Variants in TMEM51 observed in about 807,000 individuals in gnomAD.
TMEM51 encodes the protein chromosome 1 open reading frame 72.
A neutral mutation model predicts 13.6 loss-of-function variants in TMEM51; 8 were observed. That is an observed-to-expected ratio of 0.59 (90% CI 0.35 to 1.07). The LOEUF (loss-of-function observed/expected upper bound fraction) is 1.07. TMEM51 is among the 50% of genes least tolerant of loss of function. TMEM51 has a pLI of 0.02. For synonymous variants in TMEM51, 147 were observed against 144.4 expected (o/e 1.02, Z -0.13); for missense variants, 279 against 330.7 (o/e 0.84, Z 1.21).
Position 15,216,429 on chromosome 1 carries a change from T to A in TMEM51, c.344+998T>A, listed in dbSNP as rs541442600. Reference sequence around the variant, plus strand: ...AATAGATGTTCAACTTCATTAGTCATGAAATGCAAGCAAAAAGATGTCTTT... The same window carrying A: ...AATAGATGTTCAACTTCATTAGTCAAGAAATGCAAGCAAAAAGATGTCTTT... On this transcript the variant is annotated intron_variant, in intron 3 of 3. Transcript: ENST00000376008. Among the ~76,000 whole-genome samples, 5 of 152,340 alleles carry A rather than the reference T, an allele frequency of 3.3e-5. No individual in the cohort carries two copies. In the East Asian group the frequency reaches 5.8e-4, roughly 18 times the overall value.
chr1:15,185,221 CA>C (rs1309065632), intron 1 of TMEM51, among the ~76,000 whole-genome samples: 4 of 152,184 alleles, frequency 2.6e-5, no homozygotes, highest in African/African-American at 9.7e-5. Flanking sequence ...TTCATTTTGT[CA>C]AATCTGTTCT....
intron 1 of TMEM51, among the ~76,000 whole-genome samples, chr1:15,208,681 GGT>G (rs1393830192): frequency 6.6e-6 from 1 of 151,976 alleles, no homozygotes; most frequent in African/African-American, 2.4e-5. Flanking sequence ...CAGGTGGAAG[GGT>G]GTTTTCAAGC....
chr1:15,215,140 G>A lies in TMEM51; in HGVS notation c.53G>A (p.Gly18Asp). The change falls in exon 3 of 4, where the codon GGC becomes GAC. Residue 18 changes from glycine to aspartate, a missense_variant. Coordinates refer to ENST00000376008, the MANE Select transcript of TMEM51 (RefSeq NM_001136218.2). ...NGSHYALTAI[G>D]LGMLVLGVIM... ...TCGCACTATGCGCTGACCGCCATCG[G>A]CCTGGGGATGCTGGTCCTTGGGGTG... 9.9e-6 allele frequency: 16 copies of A among 1,614,162 alleles called. No homozygotes were observed. Among genetic ancestry groups the A allele is most frequent in the Non-Finnish European group, 1.2e-5 (14 of 1,180,052 alleles).
At chr1:15,210,875 A>C (rs1427050225) in intron 2 of TMEM51, among the ~76,000 whole-genome samples, 1 of 152,202 alleles carries the variant, frequency 6.6e-6, no homozygotes, top group East Asian at 1.9e-4. Context: ...GAACAGGACA[A>C]ACAGCTGACC....
At chr1:15,172,165 C>T (rs1643300056) in intron 1 of TMEM51, among the ~76,000 whole-genome samples, 1 of 152,136 alleles carries the variant, frequency 6.6e-6, no homozygotes, top group African/African-American at 2.4e-5. Context: ...TCGCTTGAGC[C>T]CAGGAGTGCA....
chr1:15,206,228 C>CA lies in TMEM51; in HGVS notation c.-266-4244dup, dbSNP rs71000380. On this transcript the variant is annotated intron_variant, in intron 1 of 3. Transcript: ENST00000376008. ...CCTGGATGACAGAGTGAGACCCTGTCAAAAAAAAAAAAAAAAAAGAGAGAG... is the reference window on the plus strand; with the variant it reads ...CCTGGATGACAGAGTGAGACCCTGTCAAAAAAAAAAAAAAAAAAAGAGAGAG... 1.2e-3 allele frequency among the ~76,000 whole-genome samples: 115 copies of CA among 94,186 alleles called. 2 individuals are homozygous for CA. The highest frequency in any genetic ancestry group is 2.0e-3 in the Non-Finnish European group (91 of 46,218). 61.8% of individuals were successfully genotyped at this position (94,186 alleles called of 152,430 possible).
intron 1 of TMEM51, among the ~76,000 whole-genome samples, chr1:15,187,013 G>T (rs569889554): frequency 1.3e-5 from 2 of 152,254 alleles, no homozygotes; most frequent in South Asian, 4.1e-4. Flanking sequence ...CCACTGTCGG[G>T]GGGTATGTGT....
At chr1:15,177,673 T>C (rs1244321088) in intron 1 of TMEM51, among the ~76,000 whole-genome samples, 2 of 152,120 alleles carry the variant, frequency 1.3e-5, no homozygotes, top group Non-Finnish European at 2.9e-5. Flanking sequence ...GTTTTAGATT[T>C]GGGGGATTTT....
chr1:15,210,980 C>T (rs1052073439), intron 2 of TMEM51, among the ~76,000 whole-genome samples: 4 of 152,152 alleles, frequency 2.6e-5, no homozygotes, highest in Non-Finnish European at 4.4e-5. Flanking sequence ...AACAAATCTA[C>T]GCCACCGTTG....
rs1553198644 is a variant in TMEM51, at chr1:15,170,346, G to GTT, written c.-267+16400_-267+16401dup. ...AGCTAGGTGCCTGGGATACTGCTGG[G>GTT]TTTTTTTTTATCTTTTTTTTTTTTT... On this transcript the variant is annotated intron_variant, in intron 1 of 3. Transcript: ENST00000376008. Among the ~76,000 whole-genome samples, 200 of 122,976 alleles carry GTT rather than the reference G, an allele frequency of 1.6e-3. 1 individual carries two copies. The highest frequency in any genetic ancestry group is 4.7e-3 in the African/African-American group (180 of 38,176). 80.7% of individuals were successfully genotyped at this position (122,976 alleles called of 152,430 possible).
At chr1:15,184,339 A>G (rs1643707660) in intron 1 of TMEM51, among the ~76,000 whole-genome samples, 2 of 152,308 alleles carry the variant, frequency 1.3e-5, no homozygotes, top group Admixed American at 1.3e-4. Flanking sequence ...CTTTCTCACC[A>G]GCTCTCAGGG....
In TMEM51 at chr1:15,161,927, C is replaced by CA. The variant is rs1557830163; in HGVS notation, c.-267+7980dup. On this transcript the variant is annotated intron_variant, in intron 1 of 3. Transcript: ENST00000376008. This position sits in a 1 kb window ranked among gnomAD's most constrained non-coding sequence, Gnocchi z 4.0. Reference sequence around the variant, plus strand: ...CTAGCGACAGAGCAAGACTCCATCTCAAAAAAAGAGAGAAAGAGGTTTATT... The same window carrying CA: ...CTAGCGACAGAGCAAGACTCCATCTCAAAAAAAAGAGAGAAAGAGGTTTATT... Among the ~76,000 whole-genome samples, 1 of 151,744 alleles carries CA rather than the reference C, an allele frequency of 6.6e-6. No individual in the cohort carries two copies. The highest frequency in any genetic ancestry group is 1.5e-5 in the Non-Finnish European group (1 of 67,966).
chr1:15,193,955 AC>A (rs1269145485), intron 1 of TMEM51, among the ~76,000 whole-genome samples: 1 of 151,964 alleles, frequency 6.6e-6, no homozygotes, highest in Admixed American at 6.5e-5. Context: ...TCTATATTCC[AC>A]TCTACTGCTA....
At chr1:15,185,238 T>C (rs1490556145) in intron 1 of TMEM51, among the ~76,000 whole-genome samples, 1 of 152,234 alleles carries the variant, frequency 6.6e-6, no homozygotes, top group Non-Finnish European at 1.5e-5. Flanking sequence ...GTTCTATTCC[T>C]ACCCCATGGG....
At chr1:15,192,442 C>A in intron 1 of TMEM51, 1 of 192,380 alleles carries the variant, frequency 5.2e-6, no homozygotes, top group South Asian at 4.8e-5. Flanking sequence ...TTCTTTCTTT[C>A]TTTCTTTCTT....
intron 2 of TMEM51, among the ~76,000 whole-genome samples, chr1:15,213,522 CA>C (rs1354311566): frequency 4.6e-5 from 7 of 152,122 alleles, no homozygotes; most frequent in African/African-American, 7.2e-5. Flanking sequence ...AGAGGTTTAG[CA>C]AGGGGCATTG....
intron 1 of TMEM51, among the ~76,000 whole-genome samples, chr1:15,183,643 G>A (rs1643684602): frequency 6.6e-6 from 1 of 152,202 alleles, no homozygotes; most frequent in African/African-American, 2.4e-5. Flanking sequence ...TGCCTTCTGT[G>A]TGTTTGGTGC....
intron 1 of TMEM51, among the ~76,000 whole-genome samples, chr1:15,173,214 CTTTTTTTTTT>C (rs3078132): frequency 4.1e-5 from 4 of 97,034 alleles, no homozygotes; most frequent in East Asian, 3.0e-4. Flanking sequence ...TGATCATATT[CTTTTTTTTTT>C]TTTTTTTTTT....
chr1:15,208,722 T>C (rs1327642303), intron 1 of TMEM51, among the ~76,000 whole-genome samples: 1 of 151,832 alleles, frequency 6.6e-6, no homozygotes, highest in East Asian at 1.9e-4. Context: ...CAAGGCCCTG[T>C]GGTAGGAAGT....
Sources: gnomAD v4.1 joint callset for allele counts (sites outside exome capture counted in the v4.1 genomes callset) on GRCh38, gnomAD v4.1.1 for gene constraint, Gnocchi (gnomAD v3.1) non-coding constraint, MANE v1.5 for transcripts, NCBI Gene and HGNC (gene_info 2026-07-23, HGNC 2026-07-21) for gene names.